The following ROBO2 variants were observed in gnomAD, a reference collection of about 807,000 sequenced individuals.
ROBO2 encodes the protein roundabout homolog 2.
ROBO2 carries 53 observed loss-of-function variants against 160.8 expected under a neutral mutation model. The observed-to-expected ratio is 0.33, with a 90% CI of 0.26 to 0.41. ROBO2 has a LOEUF of 0.41. Ranked by LOEUF, ROBO2 falls within the 10% of genes least tolerant of loss-of-function variation. ROBO2 has a pLI of 1.00. For synonymous variants in ROBO2, 664 were observed against 611.7 expected (o/e 1.09, Z -1.26); for missense variants, 1,577 against 1,722.4 (o/e 0.92, Z 1.49).
At chr3:76,744,731 T>C (rs1167924677) in intron 2 of ROBO2, among the ~76,000 whole-genome samples, 1 of 151,706 alleles carries the variant, frequency 6.6e-6, no homozygotes, top group African/African-American at 2.4e-5. Context: ...TCAGAGGATC[T>C]TGAGTTTTAA....
At chr3:76,576,248 T>C (rs1011564359) in intron 2 of ROBO2, among the ~76,000 whole-genome samples, 3 of 152,090 alleles carry the variant, frequency 2.0e-5, no homozygotes, top group African/African-American at 7.2e-5. Context: ...AATAATGTAA[T>C]AACATGCAGT....
At chr3:77,318,548 C>G (rs2064315531) in intron 2 of ROBO2, among the ~76,000 whole-genome samples, 1 of 152,128 alleles carries the variant, frequency 6.6e-6, no homozygotes, top group South Asian at 2.1e-4. Flanking sequence ...TTATAACTAG[C>G]AAGAGACTAT....
chr3:77,476,223 G>C (rs2083977397), intron 2 of ROBO2, among the ~76,000 whole-genome samples: 1 of 152,168 alleles, frequency 6.6e-6, no homozygotes, highest in Non-Finnish European at 1.5e-5. Context: ...AAGAAGCAGA[G>C]TGCTGAAGTG....
At chr3:76,190,073 A>C (rs1345087247) in intron 2 of ROBO2, among the ~76,000 whole-genome samples, 1 of 152,140 alleles carries the variant, frequency 6.6e-6, no homozygotes, top group Admixed American at 6.6e-5. Flanking sequence ...CTATAAAAGC[A>C]GTAATAAGCC....
intron 2 of ROBO2, among the ~76,000 whole-genome samples, chr3:77,390,358 T>G (rs1183616029): frequency 6.6e-6 from 1 of 152,194 alleles, no homozygotes; most frequent in African/African-American, 2.4e-5. Flanking sequence ...AATCTCATCT[T>G]GAACTGTAGC....
At chr3:77,375,079 G>A (rs1174980748) in intron 2 of ROBO2, among the ~76,000 whole-genome samples, 1 of 152,150 alleles carries the variant, frequency 6.6e-6, no homozygotes, top group East Asian at 1.9e-4. Flanking sequence ...AGGTATGGTT[G>A]CAACTGCCTG....
intron 2 of ROBO2, among the ~76,000 whole-genome samples, chr3:76,221,601 G>T (rs1206764270): frequency 6.6e-6 from 1 of 152,216 alleles, no homozygotes; most frequent in Non-Finnish European, 1.5e-5. Context: ...ACCTTCTGCA[G>T]AATCTTGGCC....
At chr3:77,167,177 A>T (rs1305277562) in intron 2 of ROBO2, among the ~76,000 whole-genome samples, 1 of 152,154 alleles carries the variant, frequency 6.6e-6, no homozygotes, top group African/African-American at 2.4e-5. Context: ...CATTGATAAA[A>T]TTGTGTTATT....
intron 2 of ROBO2, among the ~76,000 whole-genome samples, chr3:76,991,972 G>GAGCT (rs1052075890): frequency 2.0e-5 from 3 of 152,042 alleles, no homozygotes; most frequent in African/African-American, 7.2e-5. Context: ...AAATGTAAAG[G>GAGCT]AGCTGCCCCT....
chr3:77,577,414 T>C, intron 14 of ROBO2, 76 bp from the exon 16 acceptor site: 1 of 1,593,180 alleles, frequency 6.3e-7, no homozygotes, highest in Non-Finnish European at 8.6e-7. Context: ...CTTGTCTTTA[T>C]ACTCATATTC....
chr3:77,376,974 C>A (rs1393130791), intron 2 of ROBO2, among the ~76,000 whole-genome samples: 1 of 151,942 alleles, frequency 6.6e-6, no homozygotes, highest in East Asian at 1.9e-4. Context: ...AAAATTATTT[C>A]CTCATTCTCA....
At chr3:76,084,207 C>T (rs1002279722) in intron 2 of ROBO2, among the ~76,000 whole-genome samples, 3 of 151,934 alleles carry the variant, frequency 2.0e-5, no homozygotes, top group Non-Finnish European at 4.4e-5. Flanking sequence ...ATCTGAGAAA[C>T]AAAGAAGCAA....
chr3:76,400,434 A>C (rs1023862654), intron 2 of ROBO2, among the ~76,000 whole-genome samples: 1 of 151,618 alleles, frequency 6.6e-6, no homozygotes, highest in African/African-American at 2.4e-5. Flanking sequence ...CATCATTATC[A>C]CCTTAGCTAG....
intron 5 of ROBO2, among the ~76,000 whole-genome samples, chr3:77,520,099 T>C (rs1308290486): frequency 1.3e-5 from 2 of 151,388 alleles, no homozygotes; most frequent in East Asian, 3.9e-4. Context: ...GCTTCCGTGT[T>C]GTCTTCTGTG....
intron 1 of ROBO2, among the ~76,000 whole-genome samples, chr3:75,915,592 T>C (rs1461805677): frequency 1.3e-5 from 2 of 152,168 alleles, no homozygotes; most frequent in Admixed American, 1.3e-4. Context: ...TTGCAACAAG[T>C]GTGTATTTTT....
intron 2 of ROBO2, among the ~76,000 whole-genome samples, chr3:76,532,175 C>T (rs1332684308): frequency 6.6e-6 from 1 of 152,202 alleles, no homozygotes; most frequent in Non-Finnish European, 1.5e-5. Context: ...CTTTTCTTCT[C>T]TGCAATAAGC....
intron 2 of ROBO2, among the ~76,000 whole-genome samples, chr3:75,975,428 GCC>G (rs1035344391): frequency 2.0e-5 from 3 of 151,116 alleles, no homozygotes; most frequent in African/African-American, 7.3e-5. Flanking sequence ...TATTTCGGTA[GCC>G]TCTGTTTAGA....
chr3:77,373,058 TTATAA>T (rs1243892990), intron 2 of ROBO2, among the ~76,000 whole-genome samples: 1 of 147,438 alleles, frequency 6.8e-6, no homozygotes, highest in Non-Finnish European at 1.5e-5. Context: ...AAAATAAATT[TTATAA>T]TAAAATAATT....
At chr3:77,463,355 T>A (rs2082431339) in intron 2 of ROBO2, among the ~76,000 whole-genome samples, 1 of 152,132 alleles carries the variant, frequency 6.6e-6, no homozygotes, top group Admixed American at 6.6e-5. Context: ...AAATTTATAC[T>A]TTTAGATTGG....
Sources: gnomAD v4.1 joint callset for allele counts (sites outside exome capture counted in the v4.1 genomes callset) on GRCh38, gnomAD v4.1.1 for gene constraint, MANE v1.5 for transcripts, NCBI Gene and HGNC (gene_info 2026-07-23, HGNC 2026-07-21) for gene names.